NME6: variants seen among roughly 807,000 people sequenced by gnomAD.
The protein encoded by NME6 is nucleoside diphosphate kinase 6, mitochondrial.
Under a neutral mutation model 22.2 loss-of-function variants are expected in NME6, and 16 were observed. That is an observed-to-expected ratio of 0.72 (90% confidence interval 0.49 to 1.09). The LOEUF is 1.09. Ranked by LOEUF, NME6 falls within the 50% of genes least tolerant of loss-of-function variation. The probability of loss-of-function intolerance (pLI) is 0.00; values close to 1 mark genes in which losing one functional copy is unlikely to be tolerated. For synonymous variants in NME6, 58 were observed against 85.2 expected, an observed-to-expected ratio of 0.68 and a Z score of 1.76; for missense variants, 229 against 239.0, an observed-to-expected ratio of 0.96 and a Z score of 0.28.
chr3:48,288,055 A>C (rs74329857), downstream of NME6, among the ~76,000 whole-genome samples: 2 of 152,304 alleles, frequency 1.3e-5, no homozygotes, highest in South Asian at 2.1e-4. Context: ...CTATGACTTC[A>C]GAGTAAGATT....
At chr3:48,295,280 T>C (rs760452391) in intron 4 of NME6, 45 bp from the exon 5 acceptor site, 1 of 1,572,436 alleles carries the variant, frequency 6.4e-7, no homozygotes, top group Non-Finnish European at 8.7e-7. Context: ...CCATCTAGAC[T>C]AGGAGGGTGT....
At chr3:48,288,725 T>G (rs2034284206), downstream of NME6, 1 of 152,168 alleles carries the variant, frequency 6.6e-6, no homozygotes, top group Non-Finnish European at 1.5e-5. Context: ...ATGACTTAAT[T>G]ACAATGGTGG....
intron 1 of NME6, 192 bp downstream of exon 1, chr3:48,301,161 G>T: frequency 8.9e-7 from 1 of 1,128,684 alleles, no homozygotes; most frequent in Non-Finnish European, 1.2e-6. Context: ...GCGCGGCCGG[G>T]ACCTGCGCCC....
exon 1 of NME6, chr3:48,301,364 GCACAGGGCCCGGCCACCAGGCGC>G: frequency 6.4e-7 from 1 of 1,558,414 alleles, no homozygotes; most frequent in South Asian, 1.2e-5. Flanking sequence ...TTGTCCTCCG[GCACAGGGCCCGGCCACCAGGCGC>G]CACGCTGGAT....
At chr3:48,296,620 G>C in intron 3 of NME6, 107 bp downstream of exon 3, 1 of 753,936 alleles carries the variant, frequency 1.3e-6, no homozygotes, top group South Asian at 1.7e-5. Flanking sequence ...GGCTGCAACT[G>C]TACACGGTTG....
chr3:48,288,943 C>A (rs1436572500), downstream of NME6, among the ~76,000 whole-genome samples: 2 of 152,136 alleles, frequency 1.3e-5, no homozygotes, highest in African/African-American at 4.8e-5. Flanking sequence ...AGCTCCAGCA[C>A]TAGGAGTGGG....
At position 48,298,272 on chromosome 3, in the gene NME6, T is replaced by C. The variant is rs1009473027; in HGVS notation, c.90+155A>G. The C allele has an allele frequency of 4.3e-6, 3 of 694,064 alleles. No individual in the cohort carries two copies. In the African/African-American group the frequency reaches 5.4e-5, roughly 12 times the overall value. The allele number at this position is 694,064 out of a possible 1,614,324, so 43.0% of individuals were successfully genotyped here. ...GGTCTGCCTCAAGTCTCCAATGGAT[T>C]CTTAGTCTCCTTAGGTCAGAGTTCA... On this transcript the variant is annotated intron_variant, in intron 2 of 5. Transcript: ENST00000442597.
chr3:48,290,928 T>C (rs541426960), downstream of NME6: 30 of 259,762 alleles, frequency 1.2e-4, no homozygotes, highest in African/African-American at 5.3e-4. Flanking sequence ...ACAACACTTA[T>C]GCTGAGTAAC....
At chr3:48,295,950 C>G in intron 4 of NME6, 169 bp downstream of exon 4, 2 of 639,134 alleles carry the variant, frequency 3.1e-6, no homozygotes, top group East Asian at 5.5e-5. Flanking sequence ...CTCCTGACCT[C>G]AAGTGATCCA....
intron 2 of NME6, 40 bp from the exon 3 acceptor site, chr3:48,296,869 GACTGAA>G (rs752439562): frequency 6.9e-7 from 1 of 1,457,428 alleles, no homozygotes. Flanking sequence ...TCAATCAGGA[GACTGAA>G]ACTGACCAAA....
chr3:48,291,966 C>T (rs149636734), downstream of NME6: 2,922 of 152,342 alleles, frequency 0.019, 79 homozygotes, highest in Non-Finnish European at 0.019. Context: ...GGGGTTTCAC[C>T]GTGTTAGCCA....
downstream of NME6, chr3:48,291,332 C>G: frequency 2.1e-6 from 1 of 479,324 alleles, no homozygotes; most frequent in Non-Finnish European, 4.2e-6. Flanking sequence ...ACTAAGCATT[C>G]GCTTCATGGT....
chr3:48,299,080 T>A (rs2035433955), intron 1 of NME6: 1 of 670,274 alleles, frequency 1.5e-6, no homozygotes, highest in Middle Eastern at 2.4e-4. Context: ...CAGGATCTCC[T>A]GTGCCCAAAT....
chr3:48,290,352 T>C (rs978927931), downstream of NME6, among the ~76,000 whole-genome samples: 2 of 152,234 alleles, frequency 1.3e-5, no homozygotes, highest in African/African-American at 4.8e-5. Context: ...AATGACAATT[T>C]ATAATTGTAT....
chr3:48,292,881 G>A lies in NME6; in HGVS notation c.*1756C>T, dbSNP rs2034653214. 1 of 152,256 alleles carries A rather than the reference G, an allele frequency of 6.6e-6. No individual in the cohort carries two copies. Among genetic ancestry groups the A allele is most frequent in the Non-Finnish European group, 1.5e-5 (1 of 68,086 alleles). The allele number at this position is 152,256 out of a possible 1,614,324, so 9.4% of individuals were successfully genotyped here. Reference sequence around the variant, plus strand: ...GATTTTTGTACAGCAAATGGCCTTAGAAGACAGAGATAGTATCTCCCTAAG... The same window carrying A: ...GATTTTTGTACAGCAAATGGCCTTAAAAGACAGAGATAGTATCTCCCTAAG... On this transcript the variant is annotated 3_prime_UTR_variant, in exon 6 of 6. Transcript: ENST00000442597.
chr3:48,296,778 C>T lies in NME6; in HGVS notation c.142G>A (p.Glu48Lys). 1.2e-6 allele frequency: 2 copies of T among 1,613,808 alleles called. No homozygotes were observed. The highest frequency in any genetic ancestry group is 1.7e-6 in the Non-Finnish European group (2 of 1,179,972). Residue 48 changes from glutamate to lysine, a missense_variant, in exon 3 of 6, where the codon GAA becomes AAA. By Grantham distance (56) the Glu-to-Lys change is moderately conservative (BLOSUM62 1). Transcript: ENST00000442597. ...CAATCTTCCTTTCTCCACAGTAGTT[C>T]TCTCATTCGTACAATCAGGAACTTG... is the stretch of plus-strand genomic sequence containing the variant. ...SNKFLIVRMR[E>K]LLWRKEDCQR...
At chr3:48,290,195 G>A (rs2034358440), downstream of NME6, among the ~76,000 whole-genome samples, 1 of 150,960 alleles carries the variant, frequency 6.6e-6, no homozygotes, top group South Asian at 2.1e-4. Context: ...CAAGTAGCTG[G>A]GACTACAGGC....
intron 3 of NME6, 97 bp downstream of exon 3, chr3:48,296,630 G>T: frequency 1.2e-6 from 1 of 803,666 alleles, no homozygotes; most frequent in Non-Finnish European, 2.0e-6. Flanking sequence ...GTACACGGTT[G>T]GTAGGTCAGA....
In NME6 at chr3:48,292,468, A is replaced by T. The variant is rs2034595327; in HGVS notation, c.*2169T>A. The T allele has an allele frequency of 6.6e-6, 1 of 151,992 alleles. No homozygotes were observed. The highest frequency in any genetic ancestry group is 1.5e-5 in the Non-Finnish European group (1 of 67,988). 9.4% of individuals were successfully genotyped at this position (151,992 alleles called of 1,614,324 possible). Reference sequence around the variant, plus strand: ...TTTTGTACGCTTTGACCACCATTTAAATTTTTTAAATGCAACAAAATATCA... The same window carrying T: ...TTTTGTACGCTTTGACCACCATTTATATTTTTTAAATGCAACAAAATATCA... On this transcript the variant is annotated 3_prime_UTR_variant, in exon 6 of 6. Coordinates refer to ENST00000442597, the MANE Select transcript of NME6 (RefSeq NM_001308426.2).
Sources: gnomAD v4.1 joint callset for allele counts (sites outside exome capture counted in the v4.1 genomes callset) on GRCh38, gnomAD v4.1.1 for gene constraint, MANE v1.5 for transcripts, NCBI Gene and HGNC (gene_info 2026-07-23, HGNC 2026-07-21) for gene names.